Variants in CCDC171 observed in about 807,000 individuals in gnomAD.
CCDC171 encodes coiled-coil domain-containing protein 171.
In CCDC171, 177 loss-of-function variants were observed where a neutral mutation model predicts 168.2. That is an observed-to-expected ratio of 1.05 (90% CI 0.93 to 1.19). The LOEUF is 1.19. CCDC171 is among the 50% of genes most tolerant of loss of function. CCDC171 has a pLI of 0.00. For synonymous variants in CCDC171, 687 were observed against 540.8 expected, an observed-to-expected ratio of 1.27 and a Z score of -3.75; for missense variants, 1,991 against 1,539.0, an observed-to-expected ratio of 1.29 and a Z score of -4.91.
At chr9:15,629,522 C>T (rs2045491669) in intron 7 of CCDC171, among the ~76,000 whole-genome samples, 1 of 152,118 alleles carries the variant, frequency 6.6e-6, no homozygotes, top group African/African-American at 2.4e-5. Flanking sequence ...AAATATGGGA[C>T]TATGTGAAAA....
At chr9:16,104,444 G>C in the CCDC171 span, among the ~76,000 whole-genome samples, 2 of 151,816 alleles carry the variant, frequency 1.3e-5, no homozygotes, top group Non-Finnish European at 2.9e-5. Context: ...CTTTCTCTTT[G>C]GCTGTACTTT....
At chr9:15,743,548 T>C (rs1228386311) in intron 16 of CCDC171, among the ~76,000 whole-genome samples, 1 of 152,220 alleles carries the variant, frequency 6.6e-6, no homozygotes, top group Non-Finnish European at 1.5e-5. Flanking sequence ...ATTTATTTTC[T>C]AGTGATTAAT....
intron 24 of CCDC171, among the ~76,000 whole-genome samples, chr9:15,915,945 C>T (rs1824441721): frequency 1.3e-5 from 2 of 152,066 alleles, no homozygotes; most frequent in Non-Finnish European, 2.9e-5. Flanking sequence ...ACCATCCTTG[C>T]ATTCCTGCAG....
At chr9:16,055,256 T>C (rs990275003) in intron 1 of CCDC171, among the ~76,000 whole-genome samples, 2 of 152,164 alleles carry the variant, frequency 1.3e-5, no homozygotes, top group Non-Finnish European at 2.9e-5. Context: ...TACATTTTAG[T>C]TCTGAGATGC....
Position 15,660,693 on chromosome 9 carries a change from G to C in CCDC171, c.915+3474G>C, listed in dbSNP as rs1309730167. On this transcript the variant is annotated intron_variant, in intron 8 of 25. Transcript: ENST00000380701. ...CTGCGTAGTAATCCATGGTAAGTAT[G>C]TACCACATTTTCTTTATCCAATCCA... 2.6e-5 allele frequency among the ~76,000 whole-genome samples: 4 copies of C among 152,138 alleles called. No individual in the cohort carries two copies. The East Asian group carries it at 7.7e-4, about 29-fold the overall frequency.
chr9:16,051,119 T>A (rs1442155350), intron 1 of CCDC171, among the ~76,000 whole-genome samples: 1 of 152,204 alleles, frequency 6.6e-6, no homozygotes, highest in Non-Finnish European at 1.5e-5. Context: ...AAATTCCCCT[T>A]AAAAACATAA....
intron 8 of CCDC171, among the ~76,000 whole-genome samples, chr9:15,659,732 T>A (rs1241252250): frequency 6.6e-6 from 1 of 152,214 alleles, no homozygotes; most frequent in Non-Finnish European, 1.5e-5. Context: ...GAATTTCATA[T>A]CAAGTAGGAT....
chr9:15,983,523 A>G (rs1281303147), intron 3 of CCDC171, among the ~76,000 whole-genome samples: 1 of 133,402 alleles, frequency 7.5e-6, no homozygotes, highest in Non-Finnish European at 1.6e-5. Flanking sequence ...AGAGAGAGAG[A>G]ATCTCTGAAG....
chr9:15,844,653 T>C (rs1247761368), intron 21 of CCDC171, among the ~76,000 whole-genome samples: 1 of 152,148 alleles, frequency 6.6e-6, no homozygotes, highest in Non-Finnish European at 1.5e-5. Flanking sequence ...TTTGTTTCTT[T>C]TCTATGCCCC....
At chr9:15,567,170 T>A (rs2132625639) in intron 2 of CCDC171, among the ~76,000 whole-genome samples, 1 of 152,100 alleles carries the variant, frequency 6.6e-6, no homozygotes, top group Middle Eastern at 3.4e-3. Flanking sequence ...TACAGGCACC[T>A]GCTACTGTGC....
chr9:15,633,575 G>GGGAC (rs2045935666), intron 7 of CCDC171, among the ~76,000 whole-genome samples: 2 of 152,142 alleles, frequency 1.3e-5, no homozygotes, highest in Admixed American at 1.3e-4. Context: ...CACTGTTGGT[G>GGGAC]GGACTGTAAA....
chr9:15,770,803 C>A (rs1239244691), intron 18 of CCDC171, among the ~76,000 whole-genome samples: 1 of 152,112 alleles, frequency 6.6e-6, no homozygotes, highest in Non-Finnish European at 1.5e-5. Context: ...CAGCGTAAAA[C>A]CTTCACACAA....
At chr9:16,024,448 G>C (rs572538044) in intron 6 of CCDC171, among the ~76,000 whole-genome samples, 3 of 152,210 alleles carry the variant, frequency 2.0e-5, no homozygotes, top group African/African-American at 4.8e-5. Context: ...CCCCCTATGA[G>C]AGCAGCTACT....
At chr9:15,617,629 G>T (rs2044185009) in intron 6 of CCDC171, among the ~76,000 whole-genome samples, 1 of 152,084 alleles carries the variant, frequency 6.6e-6, no homozygotes, top group Non-Finnish European at 1.5e-5. Flanking sequence ...ACCCGCCTCG[G>T]CCTCCAAAAG....
intron 21 of CCDC171, among the ~76,000 whole-genome samples, chr9:15,835,518 C>T (rs747064573): frequency 6.6e-6 from 1 of 152,106 alleles, no homozygotes; most frequent in Non-Finnish European, 1.5e-5. Context: ...ACCTCTGCCT[C>T]CCTGGTTTAA....
intron 24 of CCDC171, among the ~76,000 whole-genome samples, chr9:15,905,450 A>C (rs1346406251): frequency 6.6e-6 from 1 of 152,172 alleles, no homozygotes; most frequent in African/African-American, 2.4e-5. Flanking sequence ...TGAGGGCAGA[A>C]ATAAAGATGT....
intron 3 of CCDC171, among the ~76,000 whole-genome samples, chr9:15,985,218 C>T (rs79136809): frequency 0.018 from 2,805 of 152,198 alleles, 154 homozygotes; most frequent in Admixed American, 0.11. Flanking sequence ...ATGGAAATAA[C>T]CTTACTTGAG....
intron 18 of CCDC171, among the ~76,000 whole-genome samples, chr9:15,754,953 A>G (rs1419622291): frequency 1.3e-5 from 2 of 152,168 alleles, no homozygotes; most frequent in Non-Finnish European, 2.9e-5. Context: ...TTTCAAGGTA[A>G]TTTAAATGTT....
At chr9:15,626,563 T>A (rs1422675959) in intron 7 of CCDC171, among the ~76,000 whole-genome samples, 1 of 152,230 alleles carries the variant, frequency 6.6e-6, no homozygotes, top group Non-Finnish European at 1.5e-5. Context: ...CTGCATCTGT[T>A]GAGATAATCA....
Sources: allele counts gnomAD v4.1 joint callset (sites outside exome capture counted in the v4.1 genomes callset), GRCh38; gene constraint gnomAD v4.1.1; transcripts MANE v1.5; gene names NCBI Gene and HGNC (gene_info 2026-07-23, HGNC 2026-07-21).